The following GRIK4 variants were observed in gnomAD, a reference collection of about 807,000 sequenced individuals.
GRIK4 encodes glutamate receptor ionotropic, kainate 4.
A neutral mutation model predicts 104.9 loss-of-function variants in GRIK4; 40 were observed. The ratio of observed to expected loss-of-function variants is 0.38; its 90% CI spans 0.30 to 0.50. The LOEUF is 0.50. Ranked by LOEUF, GRIK4 falls within the 20% of genes least tolerant of loss-of-function variation. The pLI is 0.93. For missense variants in GRIK4, 1,047 were observed against 1,308.1 expected (o/e 0.80, Z 3.08); for synonymous variants, 485 against 524.9 (o/e 0.92, Z 1.04).
intron 1 of GRIK4, among the ~76,000 whole-genome samples, chr11:120,522,701 A>C (rs932050379): frequency 6.6e-6 from 1 of 152,172 alleles, no homozygotes. Context: ...AACAAGAAGC[A>C]AAGCCAACTT....
intron 3 of GRIK4, among the ~76,000 whole-genome samples, chr11:120,777,204 A>G (rs73576588): frequency 0.03 from 4,519 of 152,288 alleles, 171 homozygotes; most frequent in African/African-American, 0.084. Flanking sequence ...AAGGTGCTTC[A>G]CAGCCCCCCA....
At position 120,862,241 on chromosome 11, in the gene GRIK4, T is replaced by C. The variant is rs115599437; in HGVS notation, c.906+121T>C. On this transcript the variant is annotated intron_variant, in intron 9 of 20. Transcript: ENST00000527524. The stretch of plus-strand genomic sequence containing the variant: ...AGCCGTCTCCTGCTCCAGTCCCAGC[T>C]CAGAAAGGGAGGTAGAGAGGTGTGG... 2.5e-4 allele frequency: 210 copies of C among 837,400 alleles called. No homozygotes were observed. The African/African-American group carries it at 3.3e-3, about 13-fold the overall frequency. 51.9% of individuals were successfully genotyped at this position (837,400 alleles called of 1,614,324 possible).
Position 120,988,224 on chromosome 11 carries a change from T to G in GRIK4, c.*1964T>G, listed in dbSNP as rs539708059. The G allele has an allele frequency of 1.3e-5, 2 of 152,284 alleles. No individual in the cohort carries two copies. The highest frequency in any genetic ancestry group is 2.1e-4 in the South Asian group (1 of 4,824). 9.4% of individuals were successfully genotyped at this position (152,284 alleles called of 1,614,324 possible). On this transcript the variant is annotated 3_prime_UTR_variant, in exon 21 of 21. Coordinates refer to ENST00000527524, the MANE Select transcript of GRIK4 (RefSeq NM_014619.5). Reference sequence around the variant, plus strand: ...TTAACCATCAAATGACAACAAGCTGTGCAAGACACTTGTGTCTTTTTTTAA... The same window carrying G: ...TTAACCATCAAATGACAACAAGCTGGGCAAGACACTTGTGTCTTTTTTTAA...
chr11:120,880,412 G>A (rs1395644709), intron 11 of GRIK4, among the ~76,000 whole-genome samples: 1 of 152,204 alleles, frequency 6.6e-6, no homozygotes, highest in Non-Finnish European at 1.5e-5. Context: ...AAGGAATTGA[G>A]ACACAGAGAG....
intron 11 of GRIK4, among the ~76,000 whole-genome samples, chr11:120,884,556 G>A (rs1181415726): frequency 6.6e-6 from 1 of 152,178 alleles, no homozygotes; most frequent in Non-Finnish European, 1.5e-5. Context: ...TCCCTCTCCT[G>A]CCTCTCTCCT....
At chr11:120,826,136 C>T (rs1011096035) in intron 6 of GRIK4, among the ~76,000 whole-genome samples, 4 of 152,168 alleles carry the variant, frequency 2.6e-5, no homozygotes, top group African/African-American at 7.2e-5. Context: ...AACCGTATAA[C>T]TCATGATAAC....
At chr11:120,623,174 G>A (rs1949210801) in intron 1 of GRIK4, among the ~76,000 whole-genome samples, 1 of 152,158 alleles carries the variant, frequency 6.6e-6, no homozygotes, top group Admixed American at 6.5e-5. Flanking sequence ...ACAGGGTCTT[G>A]CTCTGTTGCC....
intron 9 of GRIK4, chr11:120,869,638 C>T (rs934728295): frequency 6.6e-6 from 1 of 152,416 alleles, no homozygotes; most frequent in East Asian, 1.9e-4. Flanking sequence ...TGGCAGGAAC[C>T]AGCTGGGGGC....
At chr11:120,620,588 G>A (rs1368886807) in intron 1 of GRIK4, among the ~76,000 whole-genome samples, 1 of 152,164 alleles carries the variant, frequency 6.6e-6, no homozygotes, top group South Asian at 2.1e-4. Context: ...TCCTGCCTTG[G>A]CCTCCCAAAG....
At chr11:120,564,087 G>A (rs1368818906) in intron 1 of GRIK4, among the ~76,000 whole-genome samples, 1 of 152,242 alleles carries the variant, frequency 6.6e-6, no homozygotes, top group African/African-American at 2.4e-5. Flanking sequence ...TGTCCCGGAG[G>A]AGTGGCTGGT....
chr11:120,829,856 A>G (rs1338652286), intron 6 of GRIK4, among the ~76,000 whole-genome samples: 1 of 152,212 alleles, frequency 6.6e-6, no homozygotes, highest in African/African-American at 2.4e-5. Context: ...ACCTGGCAAC[A>G]TCAGTGCCAC....
At chr11:120,517,890 T>G (rs865859237) in intron 1 of GRIK4, among the ~76,000 whole-genome samples, 2 of 152,006 alleles carry the variant, frequency 1.3e-5, no homozygotes, top group East Asian at 3.9e-4. Context: ...GAGGATTTAA[T>G]AGAATGAGAA....
chr11:120,929,725 C>T (rs1012101054), intron 13 of GRIK4, among the ~76,000 whole-genome samples: 2 of 152,180 alleles, frequency 1.3e-5, no homozygotes, highest in African/African-American at 4.8e-5. Flanking sequence ...GAGCATGGGG[C>T]CCTTCCTCTT....
intron 11 of GRIK4, among the ~76,000 whole-genome samples, chr11:120,884,686 T>C (rs1955068357): frequency 6.6e-6 from 1 of 152,250 alleles, no homozygotes; most frequent in Admixed American, 6.5e-5. Context: ...GTCCCACTCC[T>C]ATGAGAATCC....
intron 6 of GRIK4, among the ~76,000 whole-genome samples, chr11:120,821,761 A>G (rs1953131938): frequency 6.6e-6 from 1 of 152,216 alleles, no homozygotes; most frequent in Non-Finnish European, 1.5e-5. Context: ...ACTCCAGTCC[A>G]TCACTCAGGC....
At chr11:120,674,198 T>G (rs1053801842) in intron 3 of GRIK4, among the ~76,000 whole-genome samples, 1 of 152,208 alleles carries the variant, frequency 6.6e-6, no homozygotes, top group Admixed American at 6.5e-5. Context: ...TTTTCTTTTT[T>G]CTCCATCCTA....
Position 120,517,633 on chromosome 11 carries a change from G to T in GRIK4, c.-159+5746G>T, listed in dbSNP as rs1490699095. ...TGAGTCACAGTGGGCATCTCGGGAA[G>T]GGGACAGCTGGGAAATAGAAGGCCG... On this transcript the variant is annotated intron_variant, in intron 1 of 20. Coordinates refer to ENST00000527524, the MANE Select transcript of GRIK4 (RefSeq NM_014619.5). Among the ~76,000 whole-genome samples the T allele has an allele frequency of 6.2e-5, 8 of 128,732 alleles. 1 individual carries two copies. Among genetic ancestry groups the T allele is most frequent in the African/African-American group, 2.3e-4 (7 of 30,056 alleles). 84.5% of individuals were successfully genotyped at this position (128,732 alleles called of 152,430 possible). A position where few individuals can be genotyped will look rare whatever the true frequency, so the allele number is the denominator to read the frequency against.
intron 3 of GRIK4, among the ~76,000 whole-genome samples, chr11:120,705,429 T>G (rs1950613822): frequency 6.6e-6 from 1 of 152,132 alleles, no homozygotes; most frequent in South Asian, 2.1e-4. Flanking sequence ...TTTCACCATG[T>G]TGGCCAGGCT....
intron 1 of GRIK4, among the ~76,000 whole-genome samples, chr11:120,585,937 G>A (rs947006235): frequency 3.3e-5 from 5 of 152,200 alleles, no homozygotes; most frequent in Admixed American, 6.5e-5. Flanking sequence ...GGGTCTTGGA[G>A]AGAAGCACCT....
Sources: gnomAD v4.1 joint callset for allele counts (sites outside exome capture counted in the v4.1 genomes callset) on GRCh38, gnomAD v4.1.1 for gene constraint, MANE v1.5 for transcripts, NCBI Gene and HGNC (gene_info 2026-07-23, HGNC 2026-07-21) for gene names.